AGO4: variants seen among roughly 807,000 people sequenced by gnomAD.
AGO4 encodes the protein argonaute RISC component 4, also known as protein argonaute-4.
AGO4 carries 33 observed loss-of-function variants against 104.7 expected under a neutral mutation model. The ratio of observed to expected loss-of-function variants is 0.32; its 90% confidence interval spans 0.24 to 0.42. The LOEUF is 0.42. Among genes scored for constraint, AGO4 ranks in the 10% least tolerant of loss-of-function variants. The pLI is 1.00. For synonymous variants in AGO4, 331 were observed against 364.7 expected (o/e 0.91, Z 1.05); for missense variants, 711 against 1,083.4 (o/e 0.66, Z 4.83).
chr1:35,850,800 C>G, intron 16 of AGO4, 54 bp from the exon 17 acceptor site: 1 of 826,676 alleles, frequency 1.2e-6, no homozygotes. Context: ...AAAAAAAAAA[C>G]AAAAACAAAA....
intron 2 of AGO4, 45 bp downstream of exon 2, chr1:35,817,092 A>C (rs757189977): frequency 6.6e-7 from 1 of 1,514,146 alleles, no homozygotes; most frequent in Non-Finnish European, 9.0e-7. Flanking sequence ...AAGTGCATAT[A>C]ATTTATTTAT....
intron 11 of AGO4, 57 bp downstream of exon 11, chr1:35,832,627 T>C (rs1644212739): frequency 6.3e-7 from 1 of 1,590,578 alleles, no homozygotes; most frequent in East Asian, 2.2e-5. Flanking sequence ...GAAAATACTG[T>C]CTTTATGTGA....
At chr1:35,825,555 G>A (rs1387269693) in intron 4 of AGO4, 61 bp downstream of exon 4, 4 of 1,559,658 alleles carry the variant, frequency 2.6e-6, no homozygotes. Context: ...AGGTTGTACT[G>A]GAGCCATTGA....
chr1:35,843,768 C>T (rs1266889353), intron 15 of AGO4, among the ~76,000 whole-genome samples: 4 of 152,222 alleles, frequency 2.6e-5, no homozygotes, highest in Non-Finnish European at 5.9e-5. Context: ...GTTGTCATCT[C>T]TCCACCTGTC....
intron 15 of AGO4, among the ~76,000 whole-genome samples, chr1:35,844,759 C>G (rs1049390307): frequency 2.0e-5 from 3 of 152,122 alleles, no homozygotes; most frequent in Admixed American, 6.6e-5. Context: ...TGTTCTGTTG[C>G]CTCCTTCTCG....
At chr1:35,836,022 T>C (rs1386866453) in intron 13 of AGO4, 29 bp downstream of exon 13, 2 of 1,602,392 alleles carry the variant, frequency 1.2e-6, no homozygotes, top group Admixed American at 1.7e-5. Flanking sequence ...TCCCCACTTT[T>C]GTTTAAGATC....
chr1:35,808,361 C>A lies in AGO4; in HGVS notation c.-56C>A. On this transcript the variant is annotated 5_prime_UTR_variant, in exon 1 of 18. Transcript: ENST00000373210. The surrounding 1 kb of genome is among the most constrained non-coding windows in gnomAD (Gnocchi z 5.2). ...TACGCGGCGGCGGCGGCGGCGGCGG[C>A]GGGGCCCGGAGCGGGAGGCGCCGGG... 1 of 974,366 alleles carries A rather than the reference C, an allele frequency of 1.0e-6. No homozygotes were observed. The highest frequency in any genetic ancestry group is 1.2e-6 in the Non-Finnish European group (1 of 813,640). 60.4% of individuals were successfully genotyped at this position (974,366 alleles called of 1,614,324 possible). A position where few individuals can be genotyped will look rare whatever the true frequency, so the allele number is the denominator to read the frequency against.
intron 15 of AGO4, among the ~76,000 whole-genome samples, chr1:35,845,582 T>A (rs1049860601): frequency 1.3e-5 from 2 of 152,130 alleles, no homozygotes; most frequent in African/African-American, 4.8e-5. Flanking sequence ...TTCATACTTC[T>A]CTCTCTTCTC....
intron 2 of AGO4, among the ~76,000 whole-genome samples, chr1:35,817,430 A>G (rs1643747757): frequency 6.7e-6 from 1 of 148,732 alleles, no homozygotes. Flanking sequence ...TATATATATC[A>G]ATACAGAAGA....
rs59122031 is a variant in AGO4 at position 35,851,126 on chromosome 1, A to G, written c.2477+73A>G. The G allele has an allele frequency of 1.2e-3, 1,762 of 1,438,494 alleles. 14 individuals are homozygous for G. In the African/African-American group the frequency reaches 0.023, roughly 19 times the overall value. The allele number at this position is 1,438,494 out of a possible 1,614,324, so 89.1% of individuals were successfully genotyped here. A position where few individuals can be genotyped will look rare whatever the true frequency, so the allele number is the denominator to read the frequency against. The stretch of plus-strand genomic sequence containing the variant: ...TTAAAAAAAATGAGCTACAATAGAA[A>G]ACTTTTTTAAGGATTTAAACTTTCA... On this transcript the variant is annotated intron_variant, in intron 17 of 17. Transcript: ENST00000373210.
At position 35,832,515 on chromosome 1, in the gene AGO4, G is replaced by A; in HGVS notation, c.1324G>A (p.Val442Ile). Residue 442 changes from valine to isoleucine, a missense_variant, in exon 11 of 18, where the codon GTT (valine) becomes ATT (isoleucine). Coordinates refer to ENST00000373210, the MANE Select transcript of AGO4 (RefSeq NM_017629.4). ...KQFYAGIEIK[V>I]WAVACFAPQK... ...GTTTTATGCTGGCATTGAAATTAAA[G>A]TTTGGGCAGTTGCTTGTTTTGCACC... is the stretch of plus-strand genomic sequence containing the variant. The A allele has an allele frequency of 6.2e-7, 1 of 1,613,478 alleles. No individual in the cohort carries two copies. Among genetic ancestry groups the A allele is most frequent in the Non-Finnish European group, 8.5e-7 (1 of 1,179,916 alleles).
At chr1:35,818,308 A>C (rs1322840587) in intron 2 of AGO4, among the ~76,000 whole-genome samples, 1 of 152,136 alleles carries the variant, frequency 6.6e-6, no homozygotes, top group African/African-American at 2.4e-5. Context: ...TGTCCCAGGC[A>C]AAGTCAGAAG....
chr1:35,815,745 T>C (rs1643671965), intron 1 of AGO4, among the ~76,000 whole-genome samples: 1 of 152,190 alleles, frequency 6.6e-6, no homozygotes. Context: ...ATCTTATGCA[T>C]TGTAGAATGC....
At position 35,841,535 on chromosome 1, in the gene AGO4, C is replaced by A. The variant is rs560401046; in HGVS notation, c.2040+55C>A. 79 of 1,607,914 alleles carry A rather than the reference C, an allele frequency of 4.9e-5. No individual in the cohort carries two copies. In the African/African-American group the frequency reaches 1.0e-3, roughly 21 times the overall value. ...GGCCCCTAGGAGTCTGAGGGAGATT[C>A]CTCTCATCTACCATTCTGGGTAGAT... is the stretch of plus-strand genomic sequence containing the variant. On this transcript the variant is annotated intron_variant, in intron 14 of 17. Transcript: ENST00000373210. The surrounding 1 kb of genome is among the most constrained non-coding windows in gnomAD (Gnocchi z 4.7).
At chr1:35,830,297 T>G (rs1304368456) in intron 7 of AGO4, among the ~76,000 whole-genome samples, 1 of 152,190 alleles carries the variant, frequency 6.6e-6, no homozygotes. Context: ...TGTCTCCAGA[T>G]CCACATGTAT....
intron 7 of AGO4, among the ~76,000 whole-genome samples, chr1:35,827,410 G>A (rs1377286946): frequency 6.6e-6 from 1 of 151,794 alleles, no homozygotes; most frequent in South Asian, 2.1e-4. Flanking sequence ...AATCCCAGCT[G>A]CTTGGGAGGT....
intron 11 of AGO4, among the ~76,000 whole-genome samples, chr1:35,833,046 C>T (rs1301187564): frequency 2.0e-5 from 3 of 152,070 alleles, no homozygotes; most frequent in East Asian, 1.9e-4. Context: ...TTTGGGAGGC[C>T]GAGGTGGGTG....
intron 2 of AGO4, among the ~76,000 whole-genome samples, chr1:35,820,263 C>G (rs1290180181): frequency 6.6e-6 from 1 of 152,180 alleles, no homozygotes; most frequent in African/African-American, 2.4e-5. Flanking sequence ...AGAGGAATTA[C>G]AGACAACTCC....
At chr1:35,821,429 T>A (rs900858180) in intron 2 of AGO4, among the ~76,000 whole-genome samples, 2 of 152,234 alleles carry the variant, frequency 1.3e-5, no homozygotes, top group Non-Finnish European at 1.5e-5. Flanking sequence ...TCACAAACGT[T>A]GCTAAGTTAA....
Sources: allele counts gnomAD v4.1 joint callset (sites outside exome capture counted in the v4.1 genomes callset), GRCh38; gene constraint gnomAD v4.1.1; non-coding constraint Gnocchi (gnomAD v3.1); transcripts MANE v1.5; gene names NCBI Gene and HGNC (gene_info 2026-07-23, HGNC 2026-07-21).